Variants in TPTE2 observed in about 807,000 individuals in gnomAD.
The protein encoded by TPTE2 is phosphatidylinositol 3,4,5-trisphosphate 3-phosphatase TPTE2.
A neutral mutation model predicts 78.6 loss-of-function variants in TPTE2; 53 were observed. The observed-to-expected ratio is 0.67, with a 90% CI of 0.54 to 0.85. TPTE2 has a LOEUF of 0.85. Among genes scored for constraint, TPTE2 ranks in the 40% least tolerant of loss-of-function variants. TPTE2 has a pLI of 0.00. For synonymous variants in TPTE2, 175 were observed against 206.2 expected (o/e 0.85, Z 1.30); for missense variants, 461 against 623.0 (o/e 0.74, Z 2.77).
the TPTE2 span, among the ~76,000 whole-genome samples, chr13:19,546,290 T>G: frequency 1.3e-5 from 2 of 152,076 alleles, no homozygotes; most frequent in African/African-American, 2.4e-5. Context: ...TATGTTTAAA[T>G]TATCACCAGC....
intron 7 of TPTE2, among the ~76,000 whole-genome samples, chr13:19,466,667 T>G (rs1382817151): frequency 6.6e-6 from 1 of 152,226 alleles, no homozygotes; most frequent in African/African-American, 2.4e-5. Context: ...ATGTGTCATC[T>G]CCTAGTTTCT....
intron 3 of TPTE2, among the ~76,000 whole-genome samples, chr13:19,484,504 T>C (rs1451687729): frequency 6.6e-6 from 1 of 152,190 alleles, no homozygotes; most frequent in African/African-American, 2.4e-5. Context: ...GGAGTTTAAG[T>C]CTGATGTTTC....
intron 10 of TPTE2, among the ~76,000 whole-genome samples, chr13:19,455,076 T>C (rs1173442074): frequency 1.3e-5 from 2 of 152,192 alleles, no homozygotes; most frequent in Admixed American, 6.5e-5. Context: ...CCACCTCAAA[T>C]AAATAGTTTG....
upstream of TPTE2, among the ~76,000 whole-genome samples, chr13:19,538,529 CTTTTTTCTTTA>C (rs899708233): frequency 1.3e-4 from 19 of 149,652 alleles, no homozygotes; most frequent in African/African-American, 4.4e-4. Flanking sequence ...CTTTTTTTTT[CTTTTTTCTTTA>C]TTTTTTGAGA....
At chr13:19,506,209 T>C (rs1231397642), upstream of TPTE2, among the ~76,000 whole-genome samples, 4 of 123,130 alleles carry the variant, frequency 3.2e-5, no homozygotes, top group East Asian at 1.1e-3. Flanking sequence ...TCTCGCTCTG[T>C]CGCCCAGGCT....
intron 4 of TPTE2, among the ~76,000 whole-genome samples, chr13:19,478,491 A>C (rs532087340): frequency 0.012 from 1,839 of 152,296 alleles, 25 homozygotes; most frequent in East Asian, 0.041. Flanking sequence ...GAATGGCGAT[A>C]ATTAAAAAGT....
chr13:19,470,548 C>T (rs192385466), intron 6 of TPTE2, among the ~76,000 whole-genome samples: 2 of 151,852 alleles, frequency 1.3e-5, no homozygotes, highest in East Asian at 3.9e-4. Context: ...TTTTTTGAGA[C>T]TGAGTCTCAC....
intron 13 of TPTE2, among the ~76,000 whole-genome samples, chr13:19,441,555 T>A (rs570509806): frequency 3.9e-4 from 60 of 152,304 alleles, no homozygotes; most frequent in Non-Finnish European, 7.5e-4. Flanking sequence ...ATTAAAGAAG[T>A]CATACCTTAC....
upstream of TPTE2, among the ~76,000 whole-genome samples, chr13:19,507,322 A>AAAC (rs1869135837): frequency 6.6e-6 from 1 of 151,036 alleles, no homozygotes; most frequent in African/African-American, 2.4e-5. Context: ...AAAAAAAAAA[A>AAAC]AAACACATGC....
intron 6 of TPTE2, among the ~76,000 whole-genome samples, chr13:19,473,597 C>CT (rs34210025): frequency 0.36 from 46,650 of 128,810 alleles, 10,966 homozygotes; most frequent in African/African-American, 0.63. Flanking sequence ...TTTTAAAATG[C>CT]TTTTTTTTTT....
chr13:19,549,954 T>C, the TPTE2 span, among the ~76,000 whole-genome samples: 16,630 of 59,596 alleles, frequency 0.28, 3,386 homozygotes, highest in East Asian at 0.6. Flanking sequence ...AAACACCAAG[T>C]ACATATAGGC....
At chr13:19,438,124 G>A in exon 14 of TPTE2, 1 of 1,609,600 alleles carries the variant, frequency 6.2e-7, no homozygotes, top group Non-Finnish European at 8.5e-7. Flanking sequence ...GAGGCAATAA[G>A]GAGGGCACAA....
intron 2 of TPTE2, among the ~76,000 whole-genome samples, 197 bp from the exon 6 acceptor site, chr13:19,493,100 T>A (rs925366289): frequency 6.6e-6 from 1 of 151,854 alleles, no homozygotes; most frequent in Non-Finnish European, 1.5e-5. Flanking sequence ...TATGACCTGC[T>A]CCTTTTTATA....
intron 15 of TPTE2, 107 bp downstream of exon 18, chr13:19,436,119 T>A: frequency 2.2e-6 from 2 of 922,594 alleles, no homozygotes; most frequent in South Asian, 3.4e-5. Context: ...ACCCAACTGC[T>A]GCTGCCTGAT....
chr13:19,522,612 T>C (rs1870225340), intron 1 of TPTE2, among the ~76,000 whole-genome samples: 1 of 93,060 alleles, frequency 1.1e-5, no homozygotes, highest in Admixed American at 1.2e-4. Context: ...TTCCTTACTT[T>C]TTTTTTCTTT....
At chr13:19,470,312 G>A (rs1277714203) in intron 6 of TPTE2, among the ~76,000 whole-genome samples, 1 of 152,030 alleles carries the variant, frequency 6.6e-6, no homozygotes, top group Non-Finnish European at 1.5e-5. Flanking sequence ...TTTATTGTGT[G>A]GATATAATGT....
chr13:19,464,576 A>C (rs1213802618), intron 9 of TPTE2, 56 bp from the exon 13 acceptor site: 14 of 1,511,308 alleles, frequency 9.3e-6, no homozygotes, highest in African/African-American at 4.3e-5. Flanking sequence ...ATATAACACA[A>C]AAAAAATTAA....
intron 13 of TPTE2, among the ~76,000 whole-genome samples, chr13:19,443,737 T>TACACAC (rs373060672): frequency 1.3e-3 from 164 of 129,866 alleles, no homozygotes; most frequent in South Asian, 4.2e-3. Context: ...TGGTAGCTAA[T>TACACAC]ACACACACAC....
chr13:19,456,368 C>G (rs1344299955), intron 10 of TPTE2, among the ~76,000 whole-genome samples: 2 of 151,998 alleles, frequency 1.3e-5, no homozygotes, highest in Non-Finnish European at 1.5e-5. Flanking sequence ...GCTTGTAGTC[C>G]CAGCTATGTG....
Sources: gnomAD v4.1 joint callset for allele counts (sites outside exome capture counted in the v4.1 genomes callset) on GRCh38, gnomAD v4.1.1 for gene constraint, MANE v1.5 for transcripts, NCBI Gene and HGNC (gene_info 2026-07-23, HGNC 2026-07-21) for gene names.